Variants in HDAC9 observed in about 807,000 individuals in gnomAD.
The protein encoded by HDAC9 is MEF-2 interacting transcription repressor (MITR) protein.
In HDAC9, 41 loss-of-function variants were observed where a neutral mutation model predicts 139.4. That is an observed-to-expected ratio of 0.29 (90% CI 0.23 to 0.38). The LOEUF (loss-of-function observed/expected upper bound fraction) is 0.38. Ranked by LOEUF, HDAC9 falls within the 10% of genes least tolerant of loss-of-function variation. The pLI is 1.00. For missense variants in HDAC9, 1,147 were observed against 1,297.0 expected, an observed-to-expected ratio of 0.88 and a Z score of 1.78; for synonymous variants, 517 against 476.2, an observed-to-expected ratio of 1.09 and a Z score of -1.12.
At chr7:18,345,441 G>A (rs887985946) in intron 1 of HDAC9, among the ~76,000 whole-genome samples, 3 of 151,918 alleles carry the variant, frequency 2.0e-5, no homozygotes, top group African/African-American at 7.2e-5. Flanking sequence ...ATTGACATTA[G>A]GAATCACAAT....
chr7:18,901,383 G>A (rs1036688837), intron 22 of HDAC9, among the ~76,000 whole-genome samples: 1 of 151,908 alleles, frequency 6.6e-6, no homozygotes, highest in African/African-American at 2.4e-5. Flanking sequence ...CCAAACGCCT[G>A]TTATTTGTCT....
chr7:18,707,484 A>C (rs760608309), intron 12 of HDAC9, among the ~76,000 whole-genome samples: 4 of 152,208 alleles, frequency 2.6e-5, no homozygotes, highest in Non-Finnish European at 4.4e-5. Context: ...ATATTTATAA[A>C]TATATGCAGG....
intron 1 of HDAC9, among the ~76,000 whole-genome samples, chr7:18,140,372 G>C (rs1785811468): frequency 6.6e-6 from 1 of 152,028 alleles, no homozygotes; most frequent in Admixed American, 6.6e-5. Context: ...CTGCATAAAA[G>C]TTATTGTACA....
At chr7:18,744,572 GT>G (rs1787764829) in intron 13 of HDAC9, among the ~76,000 whole-genome samples, 2 of 152,182 alleles carry the variant, frequency 1.3e-5, no homozygotes, top group East Asian at 1.9e-4. Context: ...AATAATTTTA[GT>G]CCAAATGTTC....
At chr7:18,152,910 T>C (rs1432994794) in intron 1 of HDAC9, among the ~76,000 whole-genome samples, 2 of 152,258 alleles carry the variant, frequency 1.3e-5, no homozygotes, top group Non-Finnish European at 2.9e-5. Flanking sequence ...TCTGGAAATT[T>C]AGGTGTATCC....
Position 18,930,227 on chromosome 7 carries a change from C to T in HDAC9, c.2804-5582C>T, listed in dbSNP as rs531109254. 3.3e-5 allele frequency among the ~76,000 whole-genome samples: 5 copies of T among 152,204 alleles called. No homozygotes were observed. In the South Asian group the frequency reaches 8.3e-4, roughly 25 times the overall value. On this transcript the variant is annotated intron_variant, in intron 22 of 25. Coordinates refer to ENST00000686413, the MANE Select transcript of HDAC9 (RefSeq NM_178425.4). ...CCTACAAGGTACCATGGTATAGGAA[C>T]ACGTTTTCCACTTAATCACTTAGCC...
intron 2 of HDAC9, among the ~76,000 whole-genome samples, chr7:18,239,255 C>T (rs1344746729): frequency 6.6e-6 from 1 of 152,038 alleles, no homozygotes; most frequent in African/African-American, 2.4e-5. Context: ...GTTTAAACTG[C>T]CATTAGAAAT....
At chr7:18,911,340 T>C (rs550379945) in intron 22 of HDAC9, among the ~76,000 whole-genome samples, 11 of 151,966 alleles carry the variant, frequency 7.2e-5, no homozygotes, top group African/African-American at 2.6e-4. Flanking sequence ...TGTAATGTCT[T>C]GTCATGTAGT....
chr7:18,546,361 A>G lies in HDAC9; in HGVS notation c.23-38920A>G, dbSNP rs1209590814. ...CTGGGTCACATCTGGATCAAGGCAT[A>G]AGGTTTCTTTGACTCTTAGATTTGT... On this transcript the variant is annotated intron_variant, in intron 2 of 25. Transcript: ENST00000686413. 3.3e-5 allele frequency among the ~76,000 whole-genome samples: 5 copies of G among 152,158 alleles called. 1 individual carries two copies. The highest frequency in any genetic ancestry group is 3.3e-4 in the Admixed American group (5 of 15,272).
chr7:18,381,641 C>A (rs1429909380), intron 1 of HDAC9, among the ~76,000 whole-genome samples: 2 of 151,864 alleles, frequency 1.3e-5, no homozygotes, highest in Non-Finnish European at 2.9e-5. Context: ...ACTATTCATT[C>A]AGTACTCAAA....
At chr7:18,540,000 G>A (rs1445356745) in intron 2 of HDAC9, among the ~76,000 whole-genome samples, 1 of 150,904 alleles carries the variant, frequency 6.6e-6, no homozygotes, top group Non-Finnish European at 1.5e-5. Context: ...GCTCATGTCT[G>A]TAATCCCAGC....
intron 2 of HDAC9, among the ~76,000 whole-genome samples, chr7:18,551,503 A>C (rs754402505): frequency 7.9e-5 from 12 of 152,286 alleles, no homozygotes; most frequent in Admixed American, 1.3e-4. Context: ...AAAATGAGAC[A>C]AGAAGCAACT....
upstream of HDAC9, among the ~76,000 whole-genome samples, chr7:18,491,073 C>A (rs969604565): frequency 1.3e-5 from 2 of 151,846 alleles, no homozygotes; most frequent in African/African-American, 4.8e-5. Context: ...ACATTACCTC[C>A]TTTGCTTGTT....
At chr7:18,966,826 C>A (rs541430133) in intron 24 of HDAC9, among the ~76,000 whole-genome samples, 1 of 152,068 alleles carries the variant, frequency 6.6e-6, no homozygotes, top group African/African-American at 2.4e-5. Context: ...TTTACACTCT[C>A]AATACTTTTG....
At chr7:18,151,507 G>T (rs1019945307) in intron 1 of HDAC9, among the ~76,000 whole-genome samples, 2 of 152,170 alleles carry the variant, frequency 1.3e-5, no homozygotes, top group Non-Finnish European at 2.9e-5. Context: ...CCTGGAGCAG[G>T]TGAATGTCTT....
At chr7:18,367,399 TTGAACGTGA>T (rs1250255084) in intron 1 of HDAC9, among the ~76,000 whole-genome samples, 1 of 152,114 alleles carries the variant, frequency 6.6e-6, no homozygotes, top group African/African-American at 2.4e-5. Context: ...ATATTGAAAT[TTGAACGTGA>T]TAAAAATTGG....
Position 18,998,082 on chromosome 7 carries a change from A to G in HDAC9, c.*2020A>G, listed in dbSNP as rs377576707. ...TGATTGCTTGAGGATATTTACTTAAAAAAATAGTAGAGCCAAAGGCTTAAC... is the reference window on the plus strand; with the variant it reads ...TGATTGCTTGAGGATATTTACTTAAGAAAATAGTAGAGCCAAAGGCTTAAC... On this transcript the variant is annotated 3_prime_UTR_variant, in exon 26 of 26. Coordinates refer to ENST00000686413, the MANE Select transcript of HDAC9 (RefSeq NM_178425.4). 5.3e-5 allele frequency: 8 copies of G among 152,288 alleles called. No individual in the cohort carries two copies. Among genetic ancestry groups the G allele is most frequent in the African/African-American group, 1.9e-4 (8 of 41,558 alleles). 9.4% of individuals were successfully genotyped at this position (152,288 alleles called of 1,614,324 possible).
intron 17 of HDAC9, among the ~76,000 whole-genome samples, chr7:18,828,549 A>G (rs1416011508): frequency 6.6e-6 from 1 of 152,218 alleles, no homozygotes; most frequent in African/African-American, 2.4e-5. Flanking sequence ...TGACTTAGGG[A>G]ATCCAATAAA....
intron 11 of HDAC9, among the ~76,000 whole-genome samples, chr7:18,650,953 A>C (rs1789039016): frequency 1.3e-5 from 2 of 152,254 alleles, no homozygotes; most frequent in African/African-American, 4.8e-5. Context: ...TATTCTCCAG[A>C]TTTTGAAAAT....
Sources: allele counts gnomAD v4.1 joint callset (sites outside exome capture counted in the v4.1 genomes callset), GRCh38; gene constraint gnomAD v4.1.1; transcripts MANE v1.5; gene names NCBI Gene and HGNC (gene_info 2026-07-23, HGNC 2026-07-21).